Variants in PRTG observed in about 807,000 individuals in gnomAD.
PRTG encodes immunoglobulin superfamily, DCC subclass, member 5.
PRTG carries 67 observed loss-of-function variants against 122.5 expected under a neutral mutation model. That is an observed-to-expected ratio of 0.55 (90% CI 0.45 to 0.67). The LOEUF (loss-of-function observed/expected upper bound fraction) is 0.67, where lower values mean the gene tolerates loss of function less well. PRTG is among the 30% of genes least tolerant of loss of function. PRTG has a pLI of 0.00. For synonymous variants in PRTG, 554 were observed against 501.1 expected, an observed-to-expected ratio of 1.11 and a Z score of -1.41; for missense variants, 1,435 against 1,415.4, an observed-to-expected ratio of 1.01 and a Z score of -0.22.
chr15:55,623,609 A>T (rs1595599645), intron 18 of PRTG, among the ~76,000 whole-genome samples: 2 of 152,186 alleles, frequency 1.3e-5, no homozygotes, highest in African/African-American at 4.8e-5. Context: ...AGGTAGCCAA[A>T]CAAAAACAGG....
chr15:55,738,464 G>C (rs1478999901), intron 2 of PRTG: 1 of 700,944 alleles, frequency 1.4e-6, no homozygotes, highest in South Asian at 1.5e-5. Flanking sequence ...TCTTCTCATG[G>C]CCTATCTGGC....
intron 2 of PRTG, among the ~76,000 whole-genome samples, chr15:55,686,145 T>A (rs2059569050): frequency 6.6e-6 from 1 of 152,176 alleles, no homozygotes; most frequent in Non-Finnish European, 1.5e-5. Flanking sequence ...TGTCTTTTTA[T>A]AATTAACTTA....
At chr15:55,722,637 G>T (rs1043174251) in intron 2 of PRTG, among the ~76,000 whole-genome samples, 12 of 152,244 alleles carry the variant, frequency 7.9e-5, no homozygotes, top group African/African-American at 2.9e-4. Context: ...GTAGTTTCCA[G>T]AGTAGGAAGA....
intron 11 of PRTG, among the ~76,000 whole-genome samples, chr15:55,671,354 T>C (rs1391108508): frequency 1.3e-5 from 2 of 152,206 alleles, no homozygotes; most frequent in Non-Finnish European, 2.9e-5. Context: ...TCAGTAGGTA[T>C]TTAGCAGGTT....
Position 55,645,698 on chromosome 15 carries a change from A to G in PRTG, c.2042-4490T>C, listed in dbSNP as rs1179633091. ...GTTCTGCAAAGACCCTCCAACGCCT[A>G]TGGGACAAACCAGAGACCAGGGCCA... is the stretch of plus-strand genomic sequence containing the variant. On this transcript the variant is annotated intron_variant, in intron 11 of 19. Transcript: ENST00000389286. Among the ~76,000 whole-genome samples, 8 of 152,250 alleles carry G rather than the reference A, an allele frequency of 5.3e-5. No individual in the cohort carries two copies. In the East Asian group the frequency reaches 1.6e-3, roughly 30 times the overall value.
At chr15:55,644,288 AG>A (rs1213398564) in intron 11 of PRTG, among the ~76,000 whole-genome samples, 1 of 152,206 alleles carries the variant, frequency 6.6e-6, no homozygotes, top group Non-Finnish European at 1.5e-5. Flanking sequence ...TGTTCTCCAC[AG>A]GGGGCCAGAT....
At position 55,680,067 on chromosome 15, in the gene PRTG, A is replaced by G; in HGVS notation, c.960T>C (p.Thr320=). 6.2e-7 allele frequency: 1 copy of G among 1,613,648 alleles called. No individual in the cohort carries two copies. Among genetic ancestry groups the G allele is most frequent in the Non-Finnish European group, 8.5e-7 (1 of 1,179,682 alleles). Residue 320 remains threonine (T), a synonymous_variant, in exon 6 of 20, where the codon ACT becomes ACC. Transcript: ENST00000389286. The part of the protein sequence containing the change: ...GTRNFTVAMA[T]LTVLAPPSFV... ...AAAGGAACATACCTAATACAGTTAA[A>G]GTTGCCATAGCAACTGTAAAGTTGC...
At chr15:55,706,349 G>A (rs865881333) in intron 2 of PRTG, among the ~76,000 whole-genome samples, 2 of 151,980 alleles carry the variant, frequency 1.3e-5, no homozygotes, top group Non-Finnish European at 2.9e-5. Context: ...GGATTATCAA[G>A]AGTAGTCCAG....
At chr15:55,741,408 C>T (rs950099293) in intron 1 of PRTG, among the ~76,000 whole-genome samples, 9 of 152,288 alleles carry the variant, frequency 5.9e-5, no homozygotes, top group African/African-American at 7.2e-5. Flanking sequence ...GGAAAAAATG[C>T]GTGACTAATT....
intron 11 of PRTG, among the ~76,000 whole-genome samples, chr15:55,643,186 T>G (rs2059302097): frequency 6.6e-6 from 1 of 152,202 alleles, no homozygotes; most frequent in Admixed American, 6.5e-5. Context: ...ATATTTAATA[T>G]TAAAATTCAT....
At chr15:55,709,386 T>G (rs115347651) in intron 2 of PRTG, among the ~76,000 whole-genome samples, 5,499 of 146,940 alleles carry the variant, frequency 0.037, 322 homozygotes, top group African/African-American at 0.12. Context: ...AATATATATA[T>G]ATAGAGAGAG....
chr15:55,734,203 G>C (rs917110455), intron 2 of PRTG, among the ~76,000 whole-genome samples: 8 of 152,142 alleles, frequency 5.3e-5, no homozygotes, highest in African/African-American at 1.9e-4. Context: ...ACTACCACAG[G>C]CAGAAATATC....
intron 11 of PRTG, among the ~76,000 whole-genome samples, chr15:55,662,476 T>C (rs1567088399): frequency 6.6e-6 from 1 of 152,374 alleles, no homozygotes; most frequent in East Asian, 1.9e-4. Flanking sequence ...ATGTCATCTA[T>C]ATTTTTCCCA....
chr15:55,647,989 G>A (rs533097115), intron 11 of PRTG, among the ~76,000 whole-genome samples: 18 of 152,222 alleles, frequency 1.2e-4, no homozygotes, highest in African/African-American at 3.4e-4. Context: ...TTGCTGCTTT[G>A]GCAACCATGT....
chr15:55,696,859 T>C (rs1053340073), intron 2 of PRTG, among the ~76,000 whole-genome samples: 3 of 152,180 alleles, frequency 2.0e-5, no homozygotes, highest in South Asian at 4.1e-4. Flanking sequence ...AAAGAAAATA[T>C]TTAGATCAAA....
At chr15:55,728,228 G>A (rs2031106401) in intron 2 of PRTG, among the ~76,000 whole-genome samples, 1 of 152,084 alleles carries the variant, frequency 6.6e-6, no homozygotes, top group Non-Finnish European at 1.5e-5. Context: ...AAACAATACA[G>A]TATTTTTATA....
intron 2 of PRTG, among the ~76,000 whole-genome samples, chr15:55,736,939 T>C (rs2031429998): frequency 6.6e-6 from 1 of 152,200 alleles, no homozygotes; most frequent in African/African-American, 2.4e-5. Flanking sequence ...CCTTTACTTC[T>C]CTCAAATGTC....
At chr15:55,701,825 G>C (rs1041062800) in intron 2 of PRTG, among the ~76,000 whole-genome samples, 6 of 152,182 alleles carry the variant, frequency 3.9e-5, no homozygotes, top group African/African-American at 1.4e-4. Flanking sequence ...AATGCATTAT[G>C]CTGAGTAAAA....
At chr15:55,742,729 A>T in intron 1 of PRTG, 109 bp downstream of exon 1, 1 of 1,350,650 alleles carries the variant, frequency 7.4e-7, no homozygotes, top group Non-Finnish European at 1.0e-6. Context: ...GCCACCACGG[A>T]GGACCCCGCC....
Sources: allele counts gnomAD v4.1 joint callset (sites outside exome capture counted in the v4.1 genomes callset), GRCh38; gene constraint gnomAD v4.1.1; transcripts MANE v1.5; gene names NCBI Gene and HGNC (gene_info 2026-07-23, HGNC 2026-07-21).